Variants in ABCA13 observed in about 807,000 individuals in gnomAD.
The protein encoded by ABCA13 is ATP binding cassette subfamily A member 13.
Under a neutral mutation model 478.7 loss-of-function variants are expected in ABCA13, and 476 were observed. The observed-to-expected ratio is 0.99, with a 90% CI of 0.92 to 1.07. ABCA13 has a LOEUF of 1.07. Among genes scored for constraint, ABCA13 ranks in the 50% least tolerant of loss-of-function variants. ABCA13 has a pLI of 0.00. For synonymous variants in ABCA13, 2,252 were observed against 2,158.9 expected (o/e 1.04, Z -1.20); for missense variants, 6,060 against 5,910.6 (o/e 1.03, Z -0.83).
rs892652169 is a variant in ABCA13, at chr7:48,295,981, A to G, written c.9119+118A>G. The G allele has an allele frequency of 1.9e-5, 22 of 1,184,634 alleles. No homozygotes were observed. The Admixed American group carries it at 2.0e-4, about 11-fold the overall frequency. 73.4% of individuals were successfully genotyped at this position (1,184,634 alleles called of 1,614,324 possible). ...TCTGTATAATATACTCTTAATGTGC[A>G]TATTAATATATATTTTCCAAACATC... On this transcript the variant is annotated intron_variant, in intron 21 of 61. Transcript: ENST00000435803.
chr7:48,290,533 C>T (rs770130646), intron 20 of ABCA13, among the ~76,000 whole-genome samples: 4 of 152,030 alleles, frequency 2.6e-5, no homozygotes, highest in Admixed American at 6.5e-5. Context: ...ATTTTTCTTC[C>T]GGTAGTCCTT....
At chr7:48,401,758 C>CAT (rs1817642909) in intron 38 of ABCA13, among the ~76,000 whole-genome samples, 1 of 151,896 alleles carries the variant, frequency 6.6e-6, no homozygotes, top group Non-Finnish European at 1.5e-5. Flanking sequence ...CACACACACA[C>CAT]ACACACACAC....
Position 48,372,514 on chromosome 7 carries a change from G to GAA in ABCA13, c.11133+17_11133+18insAA. On this transcript the variant is annotated intron_variant, in intron 33 of 61. Transcript: ENST00000435803. ...ACATTTCTGGTAAGTAAGTTGTTTT[G>GAA]TAAAAAAAAAAAAAAAAAACAACAA... The GAA allele has an allele frequency of 4.9e-6, 4 of 808,472 alleles. No homozygotes were observed. Among genetic ancestry groups the GAA allele is most frequent in the South Asian group, 3.5e-5 (1 of 28,374 alleles). 50.1% of individuals were successfully genotyped at this position (808,472 alleles called of 1,614,324 possible).
At chr7:48,364,096 G>T (rs908998261) in intron 31 of ABCA13, among the ~76,000 whole-genome samples, 3 of 151,034 alleles carry the variant, frequency 2.0e-5, no homozygotes, top group Non-Finnish European at 4.4e-5. Context: ...CTGCAAGAGG[G>T]TCCTGGTGGT....
chr7:48,545,872 G>A (rs577542324), intron 55 of ABCA13, among the ~76,000 whole-genome samples: 5 of 151,718 alleles, frequency 3.3e-5, no homozygotes, highest in Non-Finnish European at 5.9e-5. Flanking sequence ...GAAATATGGA[G>A]GATAGAAAGA....
At chr7:48,359,660 C>T (rs1296720172) in intron 31 of ABCA13, among the ~76,000 whole-genome samples, 6 of 152,072 alleles carry the variant, frequency 3.9e-5, no homozygotes, top group South Asian at 2.1e-4. Flanking sequence ...GGGCAGAGGC[C>T]GGGCTGATGT....
At chr7:48,349,253 C>T (rs142403181) in intron 29 of ABCA13, among the ~76,000 whole-genome samples, 7 of 152,260 alleles carry the variant, frequency 4.6e-5, no homozygotes, top group East Asian at 1.9e-4. Flanking sequence ...GGCCTGAGAT[C>T]GGCAAATTAC....
chr7:48,559,766 T>G (rs1454883872), intron 55 of ABCA13, among the ~76,000 whole-genome samples: 2 of 152,190 alleles, frequency 1.3e-5, no homozygotes, highest in Admixed American at 1.3e-4. Flanking sequence ...CTGCCACGAC[T>G]GGGGCCTTCC....
At chr7:48,330,059 A>ATCCT (rs1458713628) in intron 27 of ABCA13, among the ~76,000 whole-genome samples, 12 of 151,430 alleles carry the variant, frequency 7.9e-5, no homozygotes, top group African/African-American at 2.4e-4. Context: ...CCATCCATCC[A>ATCCT]TCCATCCATC....
At chr7:48,537,509 G>T (rs1433144705) in intron 55 of ABCA13, among the ~76,000 whole-genome samples, 1 of 152,148 alleles carries the variant, frequency 6.6e-6, no homozygotes, top group Non-Finnish European at 1.5e-5. Flanking sequence ...ACAAGGGAGG[G>T]GAAGGAGTTT....
intron 38 of ABCA13, among the ~76,000 whole-genome samples, chr7:48,398,329 A>G (rs1817133827): frequency 6.6e-6 from 1 of 152,214 alleles, no homozygotes; most frequent in Non-Finnish European, 1.5e-5. Flanking sequence ...GTGCCAGGCA[A>G]CCTTAATGAT....
At chr7:48,610,679 A>G (rs1791940677) in intron 58 of ABCA13, among the ~76,000 whole-genome samples, 1 of 152,190 alleles carries the variant, frequency 6.6e-6, no homozygotes, top group Admixed American at 6.5e-5. Flanking sequence ...TCTGAAATCT[A>G]GGTGGAGGCT....
chr7:48,497,539 G>A (rs990946835), intron 48 of ABCA13, among the ~76,000 whole-genome samples: 5 of 152,072 alleles, frequency 3.3e-5, no homozygotes, highest in South Asian at 2.1e-4. Flanking sequence ...CCTTTTCCTA[G>A]CAGGCAAGCC....
Position 48,495,317 on chromosome 7 carries a change from T to C in ABCA13, c.13291+5973T>C, listed in dbSNP as rs1330033769. ...TTGACCCAGGGATTATTTCAAAACA[T>C]GTTGTTTAAATTCTAAGTTTTTGAG... On this transcript the variant is annotated intron_variant, in intron 48 of 61. Coordinates refer to ENST00000435803, the MANE Select transcript of ABCA13 (RefSeq NM_152701.5). Among the ~76,000 whole-genome samples, 4 of 152,332 alleles carry C rather than the reference T, an allele frequency of 2.6e-5. No individual in the cohort carries two copies. In the East Asian group the frequency reaches 7.7e-4, roughly 29 times the overall value.
In ABCA13 at chr7:48,587,178, T is replaced by G; in HGVS notation, c.14530T>G (p.Leu4844Val). ...GGTTGCTGGAGACCTCATCAGGCGC[T>G]TACACCTCGAAGCCCACGCGGACAA... ...PEVAGDLIRR[L>V]HLEAHADKPV... Residue 4844 changes from leucine to valine, a missense_variant, in exon 57 of 62, where the codon TTA (leucine) becomes GTA (valine). Around this residue, in one of 3 missense-constraint regions of ABCA13, gnomAD observed 1,627 missense variants for 1,571.0 expected, o/e 1.04. Coordinates refer to ENST00000435803, the MANE Select transcript of ABCA13 (RefSeq NM_152701.5). 6.2e-7 allele frequency: 1 copy of G among 1,613,152 alleles called. No homozygotes were observed. The highest frequency in any genetic ancestry group is 1.6e-4 in the Middle Eastern group (1 of 6,062).
chr7:48,219,992 C>A (rs1257115822), intron 4 of ABCA13, among the ~76,000 whole-genome samples: 2 of 151,534 alleles, frequency 1.3e-5, no homozygotes, highest in African/African-American at 2.4e-5. Flanking sequence ...ATGTTAGTAA[C>A]CCTTTAAGAC....
At chr7:48,618,103 C>T (rs1468390189) in intron 59 of ABCA13, among the ~76,000 whole-genome samples, 1 of 152,152 alleles carries the variant, frequency 6.6e-6, no homozygotes, top group Non-Finnish European at 1.5e-5. Flanking sequence ...GAGTTCATCC[C>T]ACCTTCCTGA....
At chr7:48,457,197 A>G (rs921547630) in intron 43 of ABCA13, among the ~76,000 whole-genome samples, 14 of 152,186 alleles carry the variant, frequency 9.2e-5, no homozygotes, top group African/African-American at 2.7e-4. Flanking sequence ...CTCTTTGATT[A>G]CTATTGAAGT....
At chr7:48,600,832 C>T (rs555367484) in intron 58 of ABCA13, among the ~76,000 whole-genome samples, 1 of 152,068 alleles carries the variant, frequency 6.6e-6, no homozygotes, top group South Asian at 2.1e-4. Flanking sequence ...AAATAGTAAT[C>T]CATACAATTG....
Sources: gnomAD v4.1 joint callset for allele counts (sites outside exome capture counted in the v4.1 genomes callset) on GRCh38, gnomAD v4.1.1 for gene constraint, gnomAD v4.1.1 regional missense constraint, MANE v1.5 for transcripts, NCBI Gene and HGNC (gene_info 2026-07-23, HGNC 2026-07-21) for gene names.